Variants in ZNF75D observed in about 807,000 individuals in gnomAD.
ZNF75D encodes the protein zinc finger protein 75.
ZNF75D carries 33 observed loss-of-function variants against 33.3 expected under a neutral mutation model. The observed-to-expected ratio is 0.99, with a 90% CI of 0.75 to 1.32. The LOEUF (loss-of-function observed/expected upper bound fraction) is 1.32, where lower values mean the gene tolerates loss of function less well. Ranked by LOEUF, ZNF75D falls within the 40% of genes most tolerant of loss-of-function variation. The probability of loss-of-function intolerance (pLI) is 0.00; values close to 1 mark genes in which losing one functional copy is unlikely to be tolerated. For missense variants in ZNF75D, 338 were observed against 367.5 expected (o/e 0.92, Z 0.66); for synonymous variants, 113 against 130.6 (o/e 0.87, Z 0.92).
chrX:135,330,226 C>T, intron 1 of ZNF75D: 1 of 111,829 alleles, frequency 8.9e-6, no homozygotes, highest in Middle Eastern at 4.6e-3. Context: ...TCTCTTATGA[C>T]TGCTGCTGGT....
At chrX:135,341,121 T>C (rs1369708166) in intron 1 of ZNF75D, among the ~76,000 whole-genome samples, 4 of 111,662 alleles carry the variant, frequency 3.6e-5, no homozygotes, top group African/African-American at 6.5e-5. Context: ...GGATGAGTTC[T>C]AGATTGAGTG....
chrX:135,316,359 T>C (rs1333537934), intron 1 of ZNF75D, among the ~76,000 whole-genome samples: 2 of 111,992 alleles, frequency 1.8e-5, no homozygotes, highest in Non-Finnish European at 3.8e-5. Flanking sequence ...TGGCCTATAA[T>C]ATATCTGTGG....
chrX:135,259,824 C>T (rs1000680841), intron 1 of ZNF75D, among the ~76,000 whole-genome samples: 2 of 111,876 alleles, frequency 1.8e-5, no homozygotes, highest in East Asian at 2.8e-4. Flanking sequence ...GAACTTCCAA[C>T]GCTATGTTGA....
chrX:135,249,232 T>G, exon 4 of ZNF75D: 1 of 318,554 alleles, frequency 3.1e-6, no homozygotes, highest in South Asian at 2.8e-5. Flanking sequence ...GGGACCTACT[T>G]CAGAGTGTCC....
At chrX:135,270,677 T>C (rs1556416867) in intron 1 of ZNF75D, among the ~76,000 whole-genome samples, 11 of 109,541 alleles carry the variant, frequency 1.0e-4, no homozygotes. Flanking sequence ...TAAATCCCTT[T>C]GGGTCCAGAA....
At chrX:135,261,654 T>G (rs903198922) in intron 1 of ZNF75D, among the ~76,000 whole-genome samples, 1 of 111,752 alleles carries the variant, frequency 8.9e-6, no homozygotes, top group Non-Finnish European at 1.9e-5. Context: ...GCTTGGTAGA[T>G]CTTTCTCCAT....
Position 135,286,894 on chromosome X carries a change from T to C in ZNF75D, c.*243A>G. The C allele has an allele frequency of 2.6e-6, 1 of 381,679 alleles. No homozygotes were observed. Among genetic ancestry groups the C allele is most frequent in the Non-Finnish European group, 4.5e-6 (1 of 223,726 alleles). The allele number at this position is 381,679 out of a possible 1,213,427, so 31.5% of individuals were successfully genotyped here. A position where few individuals can be genotyped will look rare whatever the true frequency, so the allele number is the denominator to read the frequency against. ...AGATATATACATATAGATAGATAGC[T>C]AAAGGAATCTCATCACTACACTTTC... is the stretch of plus-strand genomic sequence containing the variant. On this transcript the variant is annotated 3_prime_UTR_variant, in exon 7 of 7. Transcript: ENST00000370766.
chrX:135,327,112 T>A (rs1373006648), intron 1 of ZNF75D, among the ~76,000 whole-genome samples: 1 of 112,602 alleles, frequency 8.9e-6, no homozygotes, highest in Non-Finnish European at 1.9e-5. Context: ...GGATTAAAAA[T>A]CAGACCACCT....
intron 1 of ZNF75D, among the ~76,000 whole-genome samples, chrX:135,330,914 TTC>T (rs1216029369): frequency 9.0e-6 from 1 of 111,333 alleles, no homozygotes; most frequent in African/African-American, 3.3e-5. Context: ...CCATAAATCT[TTC>T]TTTTTTTTTC....
Position 135,287,853 on chromosome X carries a change from G to C in ZNF75D, c.824-7C>G, listed in dbSNP as rs1355892234. On this transcript the variant is annotated splice_region_variant and splice_polypyrimidine_tract_variant and intron_variant, in intron 6 of 6. Coordinates refer to ENST00000370766, the MANE Select transcript of ZNF75D (RefSeq NM_007131.5). ...TCATTTTTTAGCTTTAACCCTGTTA[G>C]AATAAACAGAATAATCAGCCATCTG... is the stretch of plus-strand genomic sequence containing the variant. 2.6e-6 allele frequency: 3 copies of C among 1,136,015 alleles called. No individual in the cohort carries two copies. The East Asian group carries it at 9.0e-5, about 34-fold the overall frequency. The allele number at this position is 1,136,015 out of a possible 1,213,427, so 93.6% of individuals were successfully genotyped here.
At position 135,297,531 on chromosome X, in the gene ZNF75D, T is replaced by C. The variant is rs1371624439; in HGVS notation, c.-390-1492A>G. 3.6e-5 allele frequency: 4 copies of C among 112,339 alleles called. No individual in the cohort carries two copies. The Admixed American group carries it at 3.8e-4, about 11-fold the overall frequency. 9.3% of individuals were successfully genotyped at this position (112,339 alleles called of 1,213,427 possible). ...ATGAATCACTAACCAGTGAGGATGG[T>C]CAGATAAAAGTCATTTTCTTTCCCC... On this transcript the variant is annotated intron_variant, in intron 1 of 6. Coordinates refer to ENST00000370766, the MANE Select transcript of ZNF75D (RefSeq NM_007131.5).
chrX:135,253,472 G>A (rs1556413863), intron 2 of ZNF75D: 3 of 292,022 alleles, frequency 1.0e-5, no homozygotes, highest in African/African-American at 8.5e-5. Context: ...CTCTAGGGTG[G>A]ACATGGCCTT....
chrX:135,270,858 G>A (rs991874130), intron 1 of ZNF75D, among the ~76,000 whole-genome samples: 11 of 112,050 alleles, frequency 9.8e-5, no homozygotes, highest in Admixed American at 1.9e-4. Context: ...TAATGGAACC[G>A]TGAATATGTT....
At chrX:135,340,080 C>T (rs1556444192) in intron 1 of ZNF75D, among the ~76,000 whole-genome samples, 1 of 112,313 alleles carries the variant, frequency 8.9e-6, no homozygotes, top group African/African-American at 3.2e-5. Context: ...CAAACTAAAG[C>T]GTTATTCTTT....
intron 1 of ZNF75D, among the ~76,000 whole-genome samples, chrX:135,260,927 G>A (rs2148459396): frequency 8.9e-6 from 1 of 111,819 alleles, no homozygotes; most frequent in East Asian, 2.8e-4. Flanking sequence ...TTCTCCTGTG[G>A]GCATTTAGTG....
rs973668615 is a variant in ZNF75D, at chrX:135,343,947, C to T, written c.-2570G>A. 8.9e-6 allele frequency: 1 copy of T among 112,172 alleles called. No individual in the cohort carries two copies. Among genetic ancestry groups the T allele is most frequent in the African/African-American group, 3.2e-5 (1 of 30,813 alleles). The allele number at this position is 112,172 out of a possible 1,213,427, so 9.2% of individuals were successfully genotyped here. A position where few individuals can be genotyped will look rare whatever the true frequency, so the allele number is the denominator to read the frequency against. On this transcript the variant is annotated 5_prime_UTR_variant, in exon 1 of 7. Coordinates refer to ENST00000370766, the MANE Select transcript of ZNF75D (RefSeq NM_007131.5). ...AGGCACAAAAGCAGGCAGCTTTCTCCTGTCTGTGTTGGACCCACGCAGGAC... is the reference window on the plus strand; with the variant it reads ...AGGCACAAAAGCAGGCAGCTTTCTCTTGTCTGTGTTGGACCCACGCAGGAC...
intron 1 of ZNF75D, among the ~76,000 whole-genome samples, chrX:135,335,937 T>C (rs1262340270): frequency 8.9e-6 from 1 of 112,127 alleles, no homozygotes; most frequent in Non-Finnish European, 1.9e-5. Flanking sequence ...CCTTTTTTTG[T>C]TTTTGCTTCC....
At chrX:135,314,670 T>G (rs947023878) in intron 1 of ZNF75D, among the ~76,000 whole-genome samples, 2 of 112,021 alleles carry the variant, frequency 1.8e-5, no homozygotes, top group Admixed American at 1.9e-4. Flanking sequence ...GTTATTGGTC[T>G]GTTCAGGCTT....
At chrX:135,335,289 G>A (rs1219285104) in intron 1 of ZNF75D, among the ~76,000 whole-genome samples, 2 of 110,864 alleles carry the variant, frequency 1.8e-5, no homozygotes, top group Admixed American at 9.6e-5. Context: ...TTCTAAGTTC[G>A]ATGGAGAGTA....
Sources: gnomAD v4.1 joint callset for allele counts (sites outside exome capture counted in the v4.1 genomes callset) on GRCh38, gnomAD v4.1.1 for gene constraint, MANE v1.5 for transcripts, NCBI Gene and HGNC (gene_info 2026-07-23, HGNC 2026-07-21) for gene names.